TBX3: variants seen among roughly 807,000 people sequenced by gnomAD.
TBX3 encodes the protein T-box transcription factor TBX3.
TBX3 carries 11 observed loss-of-function variants against 47.8 expected under a neutral mutation model. The ratio of observed to expected loss-of-function variants is 0.23; its 90% CI spans 0.14 to 0.38. The LOEUF (loss-of-function observed/expected upper bound fraction) is 0.38. TBX3 is among the 10% of genes least tolerant of loss of function. The probability of loss-of-function intolerance (pLI) is 1.00; values close to 1 mark genes in which losing one functional copy is unlikely to be tolerated. For synonymous variants in TBX3, 500 were observed against 449.3 expected, an observed-to-expected ratio of 1.11 and a Z score of -1.43; for missense variants, 927 against 1,022.8, an observed-to-expected ratio of 0.91 and a Z score of 1.28.
rs55865934 is a variant in TBX3 at position 114,672,436 on chromosome 12, GT to G, written c.1711-135del. On this transcript the variant is annotated intron_variant, in intron 6 of 6. Coordinates refer to ENST00000349155, the MANE Select transcript of TBX3 (RefSeq NM_005996.4). Reference sequence around the variant, plus strand: ...TATGTTCTGTTGTTGTTGTTGTTGTGTTTTTTTTTTTGGGGGGGGAGATAGG... The same window carrying G: ...TATGTTCTGTTGTTGTTGTTGTTGTGTTTTTTTTTTGGGGGGGGAGATAGG... 0.49 allele frequency: 205,419 copies of G among 417,198 alleles called. 49,723 individuals are homozygous for G. The highest frequency in any genetic ancestry group is 0.53 in the African/African-American group (20,998 of 39,966). 25.8% of individuals were successfully genotyped at this position (417,198 alleles called of 1,614,324 possible).
intron 3 of TBX3, 133 bp downstream of exon 3, chr12:114,679,372 T>C: frequency 3.1e-6 from 4 of 1,278,304 alleles, no homozygotes; most frequent in Non-Finnish European, 4.5e-6. Context: ...TCCCCCCAAA[T>C]GCTCCACAAA....
rs1217957927 is a variant in TBX3 at position 114,674,492 on chromosome 12, C to A, written c.1383G>T (p.Pro461=). The part of the protein sequence containing the change: ...RALPGKEAFA[P]LTVQTDAAAA... ...CGGCCGCGTCCGTCTGCACCGTGAG[C>A]GGCGCGAAGGCCTCCTTGCCCGGGA... is the stretch of plus-strand genomic sequence containing the variant. Residue 461 remains proline (P), a synonymous_variant, in exon 6 of 7, where the codon CCG becomes CCT. Transcript: ENST00000349155. The A allele has an allele frequency of 1.1e-5, 17 of 1,523,890 alleles. No individual in the cohort carries two copies. Among genetic ancestry groups the A allele is most frequent in the Non-Finnish European group, 1.5e-5 (17 of 1,138,012 alleles). 94.4% of individuals were successfully genotyped at this position (1,523,890 alleles called of 1,614,324 possible). A position where few individuals can be genotyped will look rare whatever the true frequency, so the allele number is the denominator to read the frequency against.
rs1868908083 is a variant in TBX3, at chr12:114,681,112, C to G, written c.424G>C (p.Gly142Arg). The G allele has an allele frequency of 6.2e-7, 1 of 1,613,664 alleles. No homozygotes were observed. The highest frequency in any genetic ancestry group is 1.3e-5 in the African/African-American group (1 of 74,802). Residue 142 changes from glycine to arginine, a missense_variant, in exon 2 of 7, where the codon GGG (glycine) becomes CGG (arginine). Coordinates refer to ENST00000349155, the MANE Select transcript of TBX3 (RefSeq NM_005996.4). The part of the protein sequence containing the change: ...MFPPFKVRCS[G>R]LDKKAKYILL... ...ATGTATTTGGCTTTTTTATCCAGCC[C>G]AGAACATCTCACTTTAAATGGAGGA...
At chr12:114,680,854 T>G in intron 2 of TBX3, 25 bp downstream of exon 2, 1 of 1,614,202 alleles carries the variant, frequency 6.2e-7, no homozygotes. Flanking sequence ...GAGAAAATTT[T>G]ACTGAAGAGA....
At chr12:114,673,435 G>A (rs1275977782) in intron 6 of TBX3, among the ~76,000 whole-genome samples, 3 of 152,172 alleles carry the variant, frequency 2.0e-5, no homozygotes, top group Admixed American at 2.0e-4. Flanking sequence ...GCCTGCCCCA[G>A]TCCCTGCTTA....
Position 114,677,580 on chromosome 12 carries a change from C to T in TBX3, c.881G>A (p.Arg294Lys), listed in dbSNP as rs1169229764. 1 of 1,614,000 alleles carries T rather than the reference C, an allele frequency of 6.2e-7. No homozygotes were observed. Among genetic ancestry groups the T allele is most frequent in the Non-Finnish European group, 8.5e-7 (1 of 1,179,944 alleles). Reference protein sequence around the residue: ...RDTGNGRREKRKQLTLQSMRV... With the variant: ...RDTGNGRREKKKQLTLQSMRV... ...CTAATAAATAATTGTTTCAACTCAC[C>T]TTTTTTCTCTTCGGCCATTTCCAGT... Residue 294 changes from arginine (R) to lysine (K), a missense_variant and splice_region_variant, in exon 4 of 7, where the codon AGA becomes AAA. This residue lies in a region of TBX3 where 6 missense variants were observed against 35.7 expected (regional missense o/e 0.17). Coordinates refer to ENST00000349155, the MANE Select transcript of TBX3 (RefSeq NM_005996.4).
rs1043434043 is a variant in TBX3 at position 114,684,147 on chromosome 12, C to G, written c.-947G>C. ...GAAAGCGAGAGCTCCTCGCCACCCT[C>G]CGCCGCCTCTAGAATTCACCGGGCG... On this transcript the variant is annotated 5_prime_UTR_variant, in exon 1 of 7. Transcript: ENST00000349155. 5.2e-5 allele frequency: 12 copies of G among 231,468 alleles called. No individual in the cohort carries two copies. Among genetic ancestry groups the G allele is most frequent in the African/African-American group, 2.4e-4 (11 of 45,172 alleles). 14.3% of individuals were successfully genotyped at this position (231,468 alleles called of 1,614,324 possible).
intron 6 of TBX3, 66 bp from the exon 7 acceptor site, chr12:114,672,368 T>G: frequency 7.6e-7 from 1 of 1,323,322 alleles, no homozygotes; most frequent in Non-Finnish European, 1.0e-6. Context: ...ATCCCTCTCC[T>G]CTCTTCTCCC....
At chr12:114,681,673 G>C (rs564306186) in intron 1 of TBX3, among the ~76,000 whole-genome samples, 1 of 152,326 alleles carries the variant, frequency 6.6e-6, no homozygotes, top group South Asian at 2.1e-4. Flanking sequence ...AAGTGAAACT[G>C]GACTTCAGTG....
In TBX3 at chr12:114,671,700, G is replaced by T. The variant is rs1868433640; in HGVS notation, c.*141C>A. ...GGGGCTGTCTCTAGCACATTCTCTC[G>T]AGGGAGTCCGGGGCCCCTTCCCAGA... is the stretch of plus-strand genomic sequence containing the variant. On this transcript the variant is annotated 3_prime_UTR_variant, in exon 7 of 7. Coordinates refer to ENST00000349155, the MANE Select transcript of TBX3 (RefSeq NM_005996.4). The T allele has an allele frequency of 2.1e-5, 21 of 998,854 alleles. No homozygotes were observed. In the South Asian group the frequency reaches 2.8e-4, roughly 13 times the overall value. 61.9% of individuals were successfully genotyped at this position (998,854 alleles called of 1,614,324 possible).
chr12:114,678,020 T>TCACACACACACACACACACACACACA (rs3068592), intron 3 of TBX3, among the ~76,000 whole-genome samples: 1 of 144,164 alleles, frequency 6.9e-6, no homozygotes, highest in Non-Finnish European at 1.5e-5. Context: ...CATACTCCCT[T>TCACACACACACACACACACACACACA]CACACACACA....
At position 114,674,160 on chromosome 12, in the gene TBX3, C is replaced by G. The variant is rs747911438; in HGVS notation, c.1710+5G>C. 5.7e-6 allele frequency: 9 copies of G among 1,580,522 alleles called. No homozygotes were observed. The highest frequency in any genetic ancestry group is 7.7e-6 in the Non-Finnish European group (9 of 1,165,192). On this transcript the variant is annotated splice_donor_5th_base_variant and intron_variant, in intron 6 of 6. Coordinates refer to ENST00000349155, the MANE Select transcript of TBX3 (RefSeq NM_005996.4). ...ACTGGTGGAGGCAGGAAGAAGGATC[C>G]ATACCTGAGAGGCCAGGACGTGCTG...
In TBX3 at chr12:114,670,739, G is replaced by C. The variant is rs1054492676; in HGVS notation, c.*1102C>G. On this transcript the variant is annotated 3_prime_UTR_variant, in exon 7 of 7. Coordinates refer to ENST00000349155, the MANE Select transcript of TBX3 (RefSeq NM_005996.4). ...AAGGGTATTGGTGTTGGTGCAGGAA[G>C]TGTGTTTTCTAGTGTTAACAGCAAT... The C allele has an allele frequency of 3.3e-5, 7 of 212,096 alleles. No homozygotes were observed. The highest frequency in any genetic ancestry group is 6.7e-5 in the Non-Finnish European group (7 of 104,854). 13.1% of individuals were successfully genotyped at this position (212,096 alleles called of 1,614,324 possible). A position where few individuals can be genotyped will look rare whatever the true frequency, so the allele number is the denominator to read the frequency against.
rs1868466962 is a variant in TBX3 at position 114,672,104 on chromosome 12, T to C, written c.1909A>G (p.Thr637Ala). 2.6e-6 allele frequency: 4 copies of C among 1,568,436 alleles called. No individual in the cohort carries two copies. Among genetic ancestry groups the C allele is most frequent in the Middle Eastern group, 1.7e-4 (1 of 5,958 alleles). The change falls in exon 7 of 7, where the codon ACC (threonine) becomes GCC (alanine). Residue 637 changes from threonine to alanine, a missense_variant. Transcript: ENST00000349155. ...GCCGCCATGGAGGGCAGGGCGGTGG[T>C]GAGCAGACTGCTGCCGTCCGGGACC... ...VPVPDGSSLLTTALPSMAAAA... is the reference protein window; with the variant it reads ...VPVPDGSSLLATALPSMAAAA...
At chr12:114,681,875 A>C (rs932292899) in intron 1 of TBX3, among the ~76,000 whole-genome samples, 1 of 152,236 alleles carries the variant, frequency 6.6e-6, no homozygotes, top group Admixed American at 6.5e-5. Flanking sequence ...GCAAGGAAGC[A>C]CTTTGCTGGA....
Position 114,674,284 on chromosome 12 carries a change from T to C in TBX3, c.1591A>G (p.Thr531Ala). ...GTGGAATCCAGGCCCGAGACACCGG[T>C]GGAGGCCCCAGAAACCGTGGCCAGG... ...PLLATVSGASTGVSGLDSTAM... is the reference protein window; with the variant it reads ...PLLATVSGASAGVSGLDSTAM... Residue 531 changes from threonine (T) to alanine (A), a missense_variant, in exon 6 of 7, where the codon ACC (threonine) becomes GCC (alanine). Physicochemically the swap from Thr to Ala is moderately conservative, Grantham distance 58. Coordinates refer to ENST00000349155, the MANE Select transcript of TBX3 (RefSeq NM_005996.4). The C allele has an allele frequency of 6.3e-7, 1 of 1,581,136 alleles. No individual in the cohort carries two copies.
Position 114,674,421 on chromosome 12 carries a change from G to A in TBX3, c.1454C>T (p.Pro485Leu). 7.1e-6 allele frequency: 11 copies of A among 1,549,764 alleles called. No homozygotes were observed. Among genetic ancestry groups the A allele is most frequent in the Non-Finnish European group, 8.7e-6 (10 of 1,146,936 alleles). The change falls in exon 6 of 7, where the codon CCG (proline) becomes CTG (leucine). Residue 485 changes from proline (P) to leucine (L), a missense_variant. Transcript: ENST00000349155. ...GAAGAACTGTTGGCCCGCCAGGCCC[G>A]GGGCGAAGCCGAGGCCAGGCAGGGG... ...QGPLPGLGFA[P>L]GLAGQQFFNG...
Position 114,671,977 on chromosome 12 carries a change from A to C in TBX3, c.2036T>G (p.Leu679Arg), listed in dbSNP as rs1270648980. The C allele has an allele frequency of 6.2e-7, 1 of 1,601,130 alleles. No individual in the cohort carries two copies. Among genetic ancestry groups the C allele is most frequent in the Admixed American group, 1.7e-5 (1 of 58,434 alleles). ...GSELNSRSST[L>R]SSSSMSLSPK... ...CGACAAGGACATGGAGCTGGAGGAG[A>C]GCGTGGAGGAGCGGCTGTTGAGTTC... is the stretch of plus-strand genomic sequence containing the variant. The change falls in exon 7 of 7, where the codon CTC (leucine) becomes CGC (arginine). Residue 679 changes from leucine to arginine, a missense_variant. Leu to Arg is a moderately radical substitution (Grantham distance 102). Transcript: ENST00000349155.
chr12:114,673,384 T>C (rs1426391270), intron 6 of TBX3, among the ~76,000 whole-genome samples: 5 of 151,848 alleles, frequency 3.3e-5, no homozygotes, highest in African/African-American at 1.2e-4. Flanking sequence ...GCCTGAGACC[T>C]CCCCCCAGCA....
Sources: allele counts gnomAD v4.1 joint callset (sites outside exome capture counted in the v4.1 genomes callset), GRCh38; gene constraint gnomAD v4.1.1; regional missense constraint gnomAD v4.1.1; transcripts MANE v1.5; gene names NCBI Gene and HGNC (gene_info 2026-07-23, HGNC 2026-07-21).